The following CSMD1 variants were observed in gnomAD, a reference collection of about 807,000 sequenced individuals.
CSMD1 encodes the protein CUB and Sushi multiple domains 1, also known as CUB and sushi domain-containing protein 1.
CSMD1 carries 213 observed loss-of-function variants against 417.5 expected under a neutral mutation model. That is an observed-to-expected ratio of 0.51 (90% CI 0.46 to 0.57). The LOEUF (loss-of-function observed/expected upper bound fraction) is 0.57. CSMD1 is among the 20% of genes least tolerant of loss of function. The probability of loss-of-function intolerance (pLI) is 0.00; values close to 1 mark genes in which losing one functional copy is unlikely to be tolerated. For synonymous variants in CSMD1, 2,862 were observed against 1,736.8 expected (o/e 1.65, Z -16.11); for missense variants, 6,923 against 4,529.7 (o/e 1.53, Z -15.17).
At chr8:4,018,015 C>G (rs1258577888) in intron 4 of CSMD1, among the ~76,000 whole-genome samples, 1 of 152,118 alleles carries the variant, frequency 6.6e-6, no homozygotes, top group Admixed American at 6.5e-5. Flanking sequence ...TATGGTTTGT[C>G]CACTCGTAAC....
intron 6 of CSMD1, among the ~76,000 whole-genome samples, chr8:3,751,010 T>A (rs1173556178): frequency 1.3e-5 from 2 of 152,156 alleles, no homozygotes; most frequent in Non-Finnish European, 1.5e-5. Context: ...TCCTTCTTCT[T>A]CTTCAGAGGG....
At chr8:3,261,992 T>G (rs1801100903) in intron 26 of CSMD1, among the ~76,000 whole-genome samples, 1 of 151,648 alleles carries the variant, frequency 6.6e-6, no homozygotes, top group African/African-American at 2.4e-5. Flanking sequence ...ATGTTACTCT[T>G]GGGGGAAACT....
chr8:4,703,883 C>T (rs745377833), intron 1 of CSMD1, among the ~76,000 whole-genome samples: 44 of 152,094 alleles, frequency 2.9e-4, no homozygotes, highest in Non-Finnish European at 4.6e-4. Context: ...GGTTGGGGGA[C>T]GGTTTTGGGA....
intron 7 of CSMD1, among the ~76,000 whole-genome samples, chr8:3,646,325 G>T (rs1563230088): frequency 6.6e-6 from 1 of 151,992 alleles, no homozygotes; most frequent in Admixed American, 6.6e-5. Flanking sequence ...AAATATAGAA[G>T]ATATTAAAAC....
At chr8:4,211,312 A>G (rs1306538726) in intron 3 of CSMD1, among the ~76,000 whole-genome samples, 1 of 152,098 alleles carries the variant, frequency 6.6e-6, no homozygotes, top group Admixed American at 6.6e-5. Context: ...TTAATCTGCT[A>G]TCATTATATC....
intron 25 of CSMD1, among the ~76,000 whole-genome samples, chr8:3,295,973 G>T (rs372004094): frequency 6.6e-5 from 10 of 152,014 alleles, no homozygotes; most frequent in African/African-American, 2.4e-4. Flanking sequence ...CGTGGAGTTC[G>T]TGTTGTACAG....
At chr8:2,955,835 T>G in intron 63 of CSMD1, 67 bp from the exon 64 acceptor site, 1 of 1,420,016 alleles carries the variant, frequency 7.0e-7, no homozygotes, top group Non-Finnish European at 9.7e-7. Flanking sequence ...TCTAGAGAAA[T>G]TAATAGATTA....
intron 26 of CSMD1, among the ~76,000 whole-genome samples, chr8:3,232,475 T>C (rs1798899098): frequency 6.6e-6 from 1 of 152,198 alleles, no homozygotes; most frequent in Admixed American, 6.5e-5. Flanking sequence ...CACCATGATT[T>C]TTCCATCCTC....
intron 26 of CSMD1, among the ~76,000 whole-genome samples, chr8:3,251,137 C>A (rs1800223548): frequency 6.6e-6 from 1 of 151,974 alleles, no homozygotes. Context: ...AAGTCCTTGC[C>A]CGTGCCTATG....
At chr8:3,806,208 G>T (rs1183123143) in intron 5 of CSMD1, among the ~76,000 whole-genome samples, 1 of 152,120 alleles carries the variant, frequency 6.6e-6, no homozygotes, top group East Asian at 1.9e-4. Flanking sequence ...GAGTGCTTTG[G>T]ATTTTTCTTC....
At chr8:4,126,971 C>T (rs1010750533) in intron 3 of CSMD1, among the ~76,000 whole-genome samples, 1 of 152,098 alleles carries the variant, frequency 6.6e-6, no homozygotes, top group Non-Finnish European at 1.5e-5. Flanking sequence ...CACTGTCAAG[C>T]TGATGCTGGT....
At chr8:3,815,641 T>C (rs369633075) in intron 5 of CSMD1, among the ~76,000 whole-genome samples, 1 of 141,186 alleles carries the variant, frequency 7.1e-6, no homozygotes, top group Admixed American at 7.2e-5. Flanking sequence ...TTTTTTTTTT[T>C]AACAAATAAA....
chr8:4,162,678 C>T (rs1275842892), intron 3 of CSMD1, among the ~76,000 whole-genome samples: 1 of 152,078 alleles, frequency 6.6e-6, no homozygotes, highest in South Asian at 2.1e-4. Context: ...ATACACAGAG[C>T]CTCCCCAACT....
chr8:4,278,948 T>C (rs1188098087), intron 3 of CSMD1, among the ~76,000 whole-genome samples: 4 of 152,236 alleles, frequency 2.6e-5, no homozygotes, highest in Non-Finnish European at 1.5e-5. Context: ...CCCTTCCCTG[T>C]ATTAACATTA....
intron 3 of CSMD1, among the ~76,000 whole-genome samples, chr8:4,079,291 G>C (rs774424615): frequency 6.6e-6 from 1 of 152,150 alleles, no homozygotes; most frequent in African/African-American, 2.4e-5. Context: ...ACTGTACCAT[G>C]AGCAGATAAA....
rs150392669 is a variant in CSMD1, at chr8:3,036,798, T to C, written c.7661-7285A>G. The stretch of plus-strand genomic sequence containing the variant: ...GTCCACCAAGACAAAATCAAGAACA[T>C]GGGATTCTTTTCTTTTTGGCTTTTA... On this transcript the variant is annotated intron_variant, in intron 50 of 69. Transcript: ENST00000635120. Among the ~76,000 whole-genome samples the C allele has an allele frequency of 4.6e-3, 704 of 152,154 alleles. 3 individuals are homozygous for C. The highest frequency in any genetic ancestry group is 0.016 in the African/African-American group (677 of 41,508).
At chr8:4,578,769 G>A (rs1330675709) in intron 2 of CSMD1, among the ~76,000 whole-genome samples, 1 of 145,244 alleles carries the variant, frequency 6.9e-6, no homozygotes, top group African/African-American at 2.6e-5. Flanking sequence ...AGCTGAAATC[G>A]TGCCACTGCA....
chr8:3,357,953 TCTGA>T (rs1418242851), intron 21 of CSMD1, among the ~76,000 whole-genome samples: 14 of 152,190 alleles, frequency 9.2e-5, no homozygotes, highest in Admixed American at 3.9e-4. Flanking sequence ...ATAACGAAAT[TCTGA>T]CTGTGTATCT....
intron 3 of CSMD1, among the ~76,000 whole-genome samples, chr8:4,039,236 T>C (rs963673931): frequency 6.6e-6 from 1 of 152,192 alleles, no homozygotes. Flanking sequence ...ACTTTGCCTC[T>C]GTAGTAGTCT....
Sources: allele counts gnomAD v4.1 joint callset (sites outside exome capture counted in the v4.1 genomes callset), GRCh38; gene constraint gnomAD v4.1.1; transcripts MANE v1.5; gene names NCBI Gene and HGNC (gene_info 2026-07-23, HGNC 2026-07-21).